Variants in RGPD2 observed in about 807,000 individuals in gnomAD.
The protein encoded by RGPD2 is RANBP2-like and GRIP domain-containing protein 2.
A neutral mutation model predicts 36.0 loss-of-function variants in RGPD2; 2 were observed. That is an observed-to-expected ratio of 0.06 (90% CI 0.02 to 0.17). The LOEUF (loss-of-function observed/expected upper bound fraction) is 0.17, where lower values mean the gene tolerates loss of function less well. RGPD2 is among the 10% of genes least tolerant of loss of function. The pLI is 1.00. For synonymous variants in RGPD2, 19 were observed against 163.8 expected, an observed-to-expected ratio of 0.12 and a Z score of 6.75; for missense variants, 40 against 464.3, an observed-to-expected ratio of 0.09 and a Z score of 8.40.
chr2:87,822,405 C>A (rs1417565728), intron 1 of RGPD2, among the ~76,000 whole-genome samples: 2 of 147,478 alleles, frequency 1.4e-5, no homozygotes, highest in Non-Finnish European at 3.0e-5. Context: ...TTACCAAGAA[C>A]AAGACTCTCA....
At chr2:87,979,126 G>T in the RGPD2 span, among the ~76,000 whole-genome samples, 1 of 151,818 alleles carries the variant, frequency 6.6e-6, no homozygotes, top group East Asian at 2.0e-4. Context: ...TCTAGCTACT[G>T]GGGAGGCTGA....
chr2:87,883,156 G>A, the RGPD2 span, among the ~76,000 whole-genome samples: 99 of 152,156 alleles, frequency 6.5e-4, no homozygotes, highest in African/African-American at 2.3e-3. Flanking sequence ...AAGATGTAAA[G>A]TATAACACCA....
the RGPD2 span, among the ~76,000 whole-genome samples, chr2:87,869,962 C>T: frequency 6.6e-6 from 1 of 152,228 alleles, no homozygotes; most frequent in Non-Finnish European, 1.5e-5. Flanking sequence ...TTTTCTGTTT[C>T]CTTCACTTCT....
At chr2:87,925,853 GT>G in the RGPD2 span, among the ~76,000 whole-genome samples, 10 of 137,268 alleles carry the variant, frequency 7.3e-5, no homozygotes, top group South Asian at 4.9e-4. Flanking sequence ...TTTTTGATGG[GT>G]TTTTTTTTCT....
the RGPD2 span, among the ~76,000 whole-genome samples, chr2:87,975,102 G>A: frequency 1.3e-5 from 2 of 152,014 alleles, no homozygotes; most frequent in East Asian, 1.9e-4. Flanking sequence ...ATCATACCAG[G>A]CTCATTCCTG....
At chr2:87,886,205 T>C in the RGPD2 span, among the ~76,000 whole-genome samples, 5 of 151,738 alleles carry the variant, frequency 3.3e-5, no homozygotes, top group Non-Finnish European at 7.4e-5. Flanking sequence ...CACTTGCTCC[T>C]CCTGCTGCCT....
At chr2:87,872,475 G>T in the RGPD2 span, among the ~76,000 whole-genome samples, 3 of 150,088 alleles carry the variant, frequency 2.0e-5, no homozygotes, top group South Asian at 6.4e-4. Context: ...AAATATTTTT[G>T]TTGTTTTTAA....
chr2:87,846,168 A>G, the RGPD2 span, among the ~76,000 whole-genome samples: 1 of 151,560 alleles, frequency 6.6e-6, no homozygotes, highest in African/African-American at 2.4e-5. Flanking sequence ...TTTTTGGGGT[A>G]ATAGCCTCAT....
the RGPD2 span, among the ~76,000 whole-genome samples, chr2:87,846,305 A>G: frequency 1.3e-5 from 2 of 152,090 alleles, no homozygotes; most frequent in South Asian, 4.1e-4. Context: ...TTACTCTTAA[A>G]TAAACATCCA....
At chr2:87,784,453 AATGATGATG>A (rs753292841) in intron 19 of RGPD2, 106 bp from the exon 20 acceptor site, 2 of 899,148 alleles carry the variant, frequency 2.2e-6, no homozygotes, top group African/African-American at 3.2e-5. Context: ...TGTTAACAAT[AATGATGATG>A]ATGATGATGA....
the RGPD2 span, among the ~76,000 whole-genome samples, chr2:87,910,509 G>T: frequency 6.6e-6 from 1 of 152,250 alleles, no homozygotes; most frequent in South Asian, 2.1e-4. Context: ...TAGGTACAAA[G>T]AATTATTTTT....
chr2:87,943,625 C>A, the RGPD2 span, among the ~76,000 whole-genome samples: 3 of 152,024 alleles, frequency 2.0e-5, no homozygotes, highest in Admixed American at 1.3e-4. Flanking sequence ...TTTTGCTGTG[C>A]AGAAGCTTTT....
chr2:87,988,781 T>C, the RGPD2 span, among the ~76,000 whole-genome samples: 4 of 151,810 alleles, frequency 2.6e-5, no homozygotes, highest in African/African-American at 7.3e-5. Flanking sequence ...CCTCAAGCGA[T>C]CCACCTGCCT....
the RGPD2 span, among the ~76,000 whole-genome samples, chr2:87,877,635 C>T: frequency 3.9e-5 from 6 of 152,216 alleles, no homozygotes; most frequent in Non-Finnish European, 5.9e-5. Context: ...AACCCTGTCT[C>T]TACTAAAAAC....
the RGPD2 span, among the ~76,000 whole-genome samples, chr2:87,936,212 C>T: frequency 0.07 from 10,603 of 150,868 alleles, 595 homozygotes; most frequent in African/African-American, 0.16. Context: ...ACTGAGAACC[C>T]CTGGTGTTGA....
chr2:87,989,584 T>A, the RGPD2 span: 1 of 432,526 alleles, frequency 2.3e-6, no homozygotes, highest in East Asian at 3.9e-5. Context: ...CACAATAGAT[T>A]TTTTTAAATC....
the RGPD2 span, among the ~76,000 whole-genome samples, chr2:87,964,260 G>A: frequency 1.3e-5 from 2 of 152,010 alleles, no homozygotes; most frequent in Admixed American, 6.5e-5. Context: ...TTTTTGTTCA[G>A]TGGTATAACA....
the RGPD2 span, among the ~76,000 whole-genome samples, chr2:87,964,815 A>ATTTAT: frequency 6.4e-5 from 5 of 77,880 alleles, no homozygotes; most frequent in African/African-American, 1.9e-4. Context: ...TTATTTATTT[A>ATTTAT]TTTTTCTTTT....
chr2:87,909,154 T>G, the RGPD2 span, among the ~76,000 whole-genome samples: 1 of 152,132 alleles, frequency 6.6e-6, no homozygotes, highest in African/African-American at 2.4e-5. Flanking sequence ...GGTCTCAGGA[T>G]TCTTCCTGCA....
Sources: allele counts gnomAD v4.1 joint callset (sites outside exome capture counted in the v4.1 genomes callset), GRCh38; gene constraint gnomAD v4.1.1; transcripts MANE v1.5; gene names NCBI Gene and HGNC (gene_info 2026-07-23, HGNC 2026-07-21).